DHDDS: variants seen among roughly 807,000 people sequenced by gnomAD.
DHDDS encodes the protein dehydrodolichyl diphosphate synthase subunit.
DHDDS carries 16 observed loss-of-function variants against 46.2 expected under a neutral mutation model. The ratio of observed to expected loss-of-function variants is 0.35; its 90% CI spans 0.23 to 0.53. The LOEUF (loss-of-function observed/expected upper bound fraction) is 0.53. DHDDS is among the 20% of genes least tolerant of loss of function. The probability of loss-of-function intolerance (pLI) is 0.94; values close to 1 mark genes in which losing one functional copy is unlikely to be tolerated. For synonymous variants in DHDDS, 151 were observed against 163.1 expected (o/e 0.93, Z 0.56); for missense variants, 340 against 423.7 (o/e 0.80, Z 1.73).
At chr1:26,432,813 C>G (rs1293559514) in intron 1 of DHDDS, 78 bp from the exon 2 acceptor site, 10 of 835,416 alleles carry the variant, frequency 1.2e-5, no homozygotes, top group African/African-American at 3.3e-5. Context: ...TCTCCATAGT[C>G]CATCTGATTC....
At chr1:26,462,621 C>A (rs2075435852) in intron 8 of DHDDS, 1 of 152,174 alleles carries the variant, frequency 6.6e-6, no homozygotes, top group African/African-American at 2.4e-5. Flanking sequence ...TGAACTGGCT[C>A]TGCATGAAGC....
Position 26,447,535 on chromosome 1 carries a change from A to G in DHDDS, c.441-24A>G, listed in dbSNP as rs764831063. The G allele has an allele frequency of 8.8e-6, 14 of 1,593,918 alleles. No homozygotes were observed. Among genetic ancestry groups the G allele is most frequent in the Non-Finnish European group, 5.2e-6 (6 of 1,161,840 alleles). On this transcript the variant is annotated intron_variant, in intron 5 of 8. Transcript: ENST00000236342. ...ATCAGTCCCTGTCCCCCTTTGGTAA[A>G]TTATTCTCTTCTTCCCTCCTCAGGT...
At chr1:26,441,083 C>T (rs2075214530) in intron 3 of DHDDS, among the ~76,000 whole-genome samples, 1 of 152,120 alleles carries the variant, frequency 6.6e-6, no homozygotes, top group Non-Finnish European at 1.5e-5. Context: ...CGCCACCACA[C>T]CCGGCTAATT....
chr1:26,440,072 G>A (rs1186826431), intron 3 of DHDDS, among the ~76,000 whole-genome samples: 12 of 152,260 alleles, frequency 7.9e-5, no homozygotes, highest in South Asian at 6.2e-4. Flanking sequence ...CCCAGGAGGC[G>A]GAGCTTACAG....
chr1:26,468,983 G>C lies in DHDDS; in HGVS notation c.854G>C (p.Gly285Ala), dbSNP rs2075522503. The C allele has an allele frequency of 6.2e-7, 1 of 1,614,170 alleles. No individual in the cohort carries two copies. The highest frequency in any genetic ancestry group is 1.3e-5 in the African/African-American group (1 of 75,076). The change falls in exon 9 of 9, where the codon GGG becomes GCG. Residue 285 changes from glycine (G) to alanine (A), a missense_variant. By Grantham distance (60) the Gly-to-Ala change is moderately conservative. This residue lies in a region of DHDDS where 268 missense variants were observed against 300.3 expected (regional missense o/e 0.89). Transcript: ENST00000236342. Reference protein sequence around the residue: ...ATVTEQLLREGLQASGDAQLR... With the variant: ...ATVTEQLLREALQASGDAQLR... ...GTGACAGAGCAGCTGCTGCGAGAGG[G>C]GCTCCAAGCCAGTGGGGACGCCCAG...
At chr1:26,452,719 A>G (rs1224744318) in intron 6 of DHDDS, among the ~76,000 whole-genome samples, 1 of 152,180 alleles carries the variant, frequency 6.6e-6, no homozygotes, top group African/African-American at 2.4e-5. Flanking sequence ...CAAGATTTCA[A>G]CCTGGCTTCA....
intron 6 of DHDDS, among the ~76,000 whole-genome samples, chr1:26,451,172 A>T (rs1433437888): frequency 2.6e-5 from 4 of 152,196 alleles, no homozygotes; most frequent in Non-Finnish European, 5.9e-5. Flanking sequence ...CAGGGTCAGG[A>T]GGCCAATGTC....
chr1:26,460,031 T>A lies in DHDDS; in HGVS notation c.658-6T>A, dbSNP rs2075406665. 6.2e-7 allele frequency: 1 copy of A among 1,612,184 alleles called. No homozygotes were observed. Among genetic ancestry groups the A allele is most frequent in the Non-Finnish European group, 8.5e-7 (1 of 1,178,418 alleles). The stretch of plus-strand genomic sequence containing the variant: ...TAAATCATACTCTCCTCCCTACCTT[T>A]CCCAGACCTCTCACTCCTGCCTGGT... On this transcript the variant is annotated splice_polypyrimidine_tract_variant and splice_region_variant and intron_variant, in intron 7 of 8. Coordinates refer to ENST00000236342, the MANE Select transcript of DHDDS (RefSeq NM_205861.3).
At chr1:26,467,197 C>G (rs539051194) in intron 8 of DHDDS, 2 of 381,542 alleles carry the variant, frequency 5.2e-6, no homozygotes, top group East Asian at 7.5e-5. Flanking sequence ...TCGTGGCACT[C>G]TGTGTGCATG....
At chr1:26,455,249 G>T (rs1192603612) in intron 6 of DHDDS, 3 of 627,638 alleles carry the variant, frequency 4.8e-6, no homozygotes, top group Non-Finnish European at 5.7e-6. Context: ...AAAGATAAGA[G>T]AATGAGAAAT....
At position 26,453,843 on chromosome 1, in the gene DHDDS, C is replaced by T. The variant is rs559181637; in HGVS notation, c.543-3948C>T. ...GTAAATCATTTCCGAAAAGTCTTCACGTAGACAGCTTTAACTCACCATTCC... is the reference window on the plus strand; with the variant it reads ...GTAAATCATTTCCGAAAAGTCTTCATGTAGACAGCTTTAACTCACCATTCC... On this transcript the variant is annotated intron_variant, in intron 6 of 8. Transcript: ENST00000236342. 5.9e-5 allele frequency among the ~76,000 whole-genome samples: 9 copies of T among 152,302 alleles called. No individual in the cohort carries two copies. The South Asian group carries it at 1.7e-3, about 28-fold the overall frequency.
intron 8 of DHDDS, among the ~76,000 whole-genome samples, 161 bp downstream of exon 8, chr1:26,460,305 C>T (rs542614032): frequency 1.3e-5 from 2 of 152,248 alleles, no homozygotes; most frequent in Non-Finnish European, 2.9e-5. Flanking sequence ...TCAGGCACTG[C>T]GAACATTTTA....
chr1:26,457,297 A>G (rs1272165287), intron 6 of DHDDS, among the ~76,000 whole-genome samples: 1 of 149,722 alleles, frequency 6.7e-6, no homozygotes, highest in African/African-American at 2.5e-5. Flanking sequence ...TGTCTCTACT[A>G]AAAATACAAA....
rs201092863 is a variant in DHDDS at position 26,451,631 on chromosome 1, C to CT, written c.542+3986dup. ...CCACCACACCCGGCTATTTTTTTTT[C>CT]TTTTTTTTTTTTTTTGAGACAGAGT... On this transcript the variant is annotated intron_variant, in intron 6 of 8. Transcript: ENST00000236342. Among the ~76,000 whole-genome samples, 213 of 129,970 alleles carry CT rather than the reference C, an allele frequency of 1.6e-3. 1 individual carries two copies. Among genetic ancestry groups the CT allele is most frequent in the East Asian group, 3.8e-3 (17 of 4,446 alleles). The allele number at this position is 129,970 out of a possible 152,430, so 85.3% of individuals were successfully genotyped here.
chr1:26,440,772 C>G (rs1456086500), intron 3 of DHDDS, among the ~76,000 whole-genome samples: 1 of 152,152 alleles, frequency 6.6e-6, no homozygotes, highest in African/African-American at 2.4e-5. Flanking sequence ...AGAGGCAGCT[C>G]TTCAGCTTGT....
At chr1:26,450,833 C>G (rs1486141306) in intron 6 of DHDDS, among the ~76,000 whole-genome samples, 1 of 152,084 alleles carries the variant, frequency 6.6e-6, no homozygotes, top group Non-Finnish European at 1.5e-5. Context: ...TTTGGAGGTA[C>G]TTTCGTAGTT....
At chr1:26,434,928 TG>T (rs2075137951) in intron 2 of DHDDS, among the ~76,000 whole-genome samples, 1 of 151,622 alleles carries the variant, frequency 6.6e-6, no homozygotes, top group Non-Finnish European at 1.5e-5. Context: ...CCTAAAGTAC[TG>T]GGATTACAGG....
intron 6 of DHDDS, among the ~76,000 whole-genome samples, chr1:26,456,387 A>G (rs1324480981): frequency 6.6e-6 from 1 of 151,662 alleles, no homozygotes; most frequent in Non-Finnish European, 1.5e-5. Flanking sequence ...AAAATAAAAT[A>G]TGTTTTCTGT....
chr1:26,469,105 G>A lies in DHDDS; in HGVS notation c.976G>A (p.Ala326Thr). ...ALELKRADWL[A>T]RLGTASA is the part of the protein sequence containing the mutation. The stretch of plus-strand genomic sequence containing the variant: ...GGAACTCAAGCGAGCTGACTGGCTG[G>A]CCCGTCTGGGCACTGCATCAGCCTG... The change falls in exon 9 of 9, where the codon GCC becomes ACC. Residue 326 changes from alanine (A) to threonine (T), a missense_variant. Around this residue, in one of 2 missense-constraint regions of DHDDS, gnomAD observed 268 missense variants for 300.3 expected, o/e 0.89. Coordinates refer to ENST00000236342, the MANE Select transcript of DHDDS (RefSeq NM_205861.3). 6.2e-7 allele frequency: 1 copy of A among 1,612,480 alleles called. No individual in the cohort carries two copies. Among genetic ancestry groups the A allele is most frequent in the South Asian group, 1.1e-5 (1 of 91,020 alleles).
Sources: gnomAD v4.1 joint callset for allele counts (sites outside exome capture counted in the v4.1 genomes callset) on GRCh38, gnomAD v4.1.1 for gene constraint, gnomAD v4.1.1 regional missense constraint, MANE v1.5 for transcripts, NCBI Gene and HGNC (gene_info 2026-07-23, HGNC 2026-07-21) for gene names.